The following DTD1 variants were observed in gnomAD, a reference collection of about 807,000 sequenced individuals.
DTD1 encodes D-tyrosyl-tRNA deacylase 1 homolog.
Under a neutral mutation model 25.6 loss-of-function variants are expected in DTD1, and 13 were observed. The ratio of observed to expected loss-of-function variants is 0.51; its 90% CI spans 0.33 to 0.81. The LOEUF (loss-of-function observed/expected upper bound fraction) is 0.81, where lower values mean the gene tolerates loss of function less well. DTD1 is among the 30% of genes least tolerant of loss of function. The pLI is 0.02. For missense variants in DTD1, 193 were observed against 266.4 expected, an observed-to-expected ratio of 0.72 and a Z score of 1.92; for synonymous variants, 110 against 103.6, an observed-to-expected ratio of 1.06 and a Z score of -0.37.
At chr20:18,618,675 A>C (rs1465093818) in intron 3 of DTD1, among the ~76,000 whole-genome samples, 1 of 104,150 alleles carries the variant, frequency 9.6e-6, no homozygotes, top group Non-Finnish European at 2.0e-5. Context: ...AATTTTATAC[A>C]CACACACACA....
At chr20:18,743,901 T>C (rs1404140829) in intron 4 of DTD1, among the ~76,000 whole-genome samples, 199 bp from the exon 5 acceptor site, 1 of 152,154 alleles carries the variant, frequency 6.6e-6, no homozygotes, top group East Asian at 1.9e-4. Flanking sequence ...CTCCTATGAC[T>C]AATGATTTGT....
chr20:18,739,933 A>G (rs1386422322), intron 4 of DTD1, among the ~76,000 whole-genome samples: 3 of 135,032 alleles, frequency 2.2e-5, no homozygotes, highest in Non-Finnish European at 3.5e-5. Context: ...ATACTGTAAG[A>G]GAGTCAGCAT....
rs1352549089 is a variant in DTD1, at chr20:18,764,772, C to G, written c.*1432C>G. The G allele has an allele frequency of 6.6e-6, 1 of 152,246 alleles. No homozygotes were observed. The highest frequency in any genetic ancestry group is 1.5e-5 in the Non-Finnish European group (1 of 68,062). 9.4% of individuals were successfully genotyped at this position (152,246 alleles called of 1,614,324 possible). ...CCAGATGCAGACCCTGGCCAGCTCC[C>G]TAAGCTGTGTGGGCAGTGAGGTCCC... On this transcript the variant is annotated 3_prime_UTR_variant, in exon 6 of 6. Coordinates refer to ENST00000377452, the MANE Select transcript of DTD1 (RefSeq NM_080820.6).
intron 4 of DTD1, among the ~76,000 whole-genome samples, chr20:18,713,504 G>T (rs1045432280): frequency 6.6e-6 from 1 of 152,152 alleles, no homozygotes; most frequent in Non-Finnish European, 1.5e-5. Flanking sequence ...GTCTGCATTG[G>T]TTGAGCTGCT....
At chr20:18,646,173 CT>C (rs1318454394) in intron 4 of DTD1, among the ~76,000 whole-genome samples, 2 of 152,210 alleles carry the variant, frequency 1.3e-5, no homozygotes, top group African/African-American at 4.8e-5. Context: ...TGTACCCCGT[CT>C]TTGTGGCTGT....
chr20:18,759,121 T>C (rs1231649515), intron 5 of DTD1, among the ~76,000 whole-genome samples: 1 of 152,236 alleles, frequency 6.6e-6, no homozygotes, highest in East Asian at 1.9e-4. Context: ...ATTTTGAGCA[T>C]ATGTGTGTCT....
At chr20:18,598,596 C>T (rs977460335) in intron 3 of DTD1, among the ~76,000 whole-genome samples, 7 of 151,846 alleles carry the variant, frequency 4.6e-5, no homozygotes, top group African/African-American at 7.3e-5. Context: ...CTCCCGGGCT[C>T]ATGCCATTCT....
At chr20:18,760,055 A>G (rs1258935824) in intron 5 of DTD1, among the ~76,000 whole-genome samples, 2 of 152,064 alleles carry the variant, frequency 1.3e-5, no homozygotes, top group Non-Finnish European at 2.9e-5. Context: ...CGTTCGTCAC[A>G]TAGTTCTCGT....
intron 4 of DTD1, among the ~76,000 whole-genome samples, chr20:18,656,514 C>T (rs1215594439): frequency 2.0e-5 from 3 of 152,200 alleles, no homozygotes; most frequent in Admixed American, 6.5e-5. Context: ...CTGACTCTTA[C>T]ACATCACCTC....
intron 4 of DTD1, among the ~76,000 whole-genome samples, chr20:18,691,790 T>A (rs2061048676): frequency 6.6e-6 from 1 of 152,206 alleles, no homozygotes; most frequent in Middle Eastern, 3.4e-3. Flanking sequence ...AAAATTTAAA[T>A]AGCCACACCT....
At chr20:18,630,359 TG>T (rs1165548973) in intron 4 of DTD1, 17 of 151,532 alleles carry the variant, frequency 1.1e-4, no homozygotes, top group African/African-American at 3.9e-4. Context: ...CTAGGTTTTT[TG>T]TTTGTTTGTT....
chr20:18,734,474 G>T (rs879356282), intron 4 of DTD1, among the ~76,000 whole-genome samples: 1 of 152,200 alleles, frequency 6.6e-6, no homozygotes, highest in African/African-American at 2.4e-5. Context: ...TTGCTACAAA[G>T]GGCAGTGGGC....
intron 4 of DTD1, among the ~76,000 whole-genome samples, chr20:18,685,042 G>A (rs1205310963): frequency 6.6e-6 from 1 of 152,046 alleles, no homozygotes; most frequent in Non-Finnish European, 1.5e-5. Context: ...GGGCCTATAG[G>A]TGCATACCAC....
chr20:18,754,055 G>GT (rs1011290296), intron 5 of DTD1, among the ~76,000 whole-genome samples: 8 of 151,614 alleles, frequency 5.3e-5, no homozygotes, highest in Middle Eastern at 6.9e-3. Flanking sequence ...AAATAAATAG[G>GT]TAAAAAAAAA....
At chr20:18,733,626 A>G (rs2061246268) in intron 4 of DTD1, among the ~76,000 whole-genome samples, 1 of 152,258 alleles carries the variant, frequency 6.6e-6, no homozygotes, top group African/African-American at 2.4e-5. Context: ...TAGCTAAGTC[A>G]GAGTAATAAG....
At chr20:18,726,392 G>A (rs1433082594) in intron 4 of DTD1, among the ~76,000 whole-genome samples, 1 of 152,124 alleles carries the variant, frequency 6.6e-6, no homozygotes, top group Non-Finnish European at 1.5e-5. Context: ...TTCTCATCAT[G>A]AAAATTGCAT....
intron 4 of DTD1, among the ~76,000 whole-genome samples, chr20:18,653,448 A>G (rs529644372): frequency 6.6e-6 from 1 of 152,366 alleles, no homozygotes; most frequent in African/African-American, 2.4e-5. Flanking sequence ...ATATTAGTCT[A>G]AAGTATGCTA....
At chr20:18,705,625 T>C (rs2061123190) in intron 4 of DTD1, among the ~76,000 whole-genome samples, 1 of 151,914 alleles carries the variant, frequency 6.6e-6, no homozygotes, top group Non-Finnish European at 1.5e-5. Flanking sequence ...CACATGATGG[T>C]GAGCTCAGAG....
chr20:18,594,126 T>C (rs2060601027), intron 2 of DTD1, among the ~76,000 whole-genome samples: 1 of 152,122 alleles, frequency 6.6e-6, no homozygotes, highest in Non-Finnish European at 1.5e-5. Flanking sequence ...TTATGTTTGG[T>C]TTCTCTTTTT....
Sources: allele counts gnomAD v4.1 joint callset (sites outside exome capture counted in the v4.1 genomes callset), GRCh38; gene constraint gnomAD v4.1.1; transcripts MANE v1.5; gene names NCBI Gene and HGNC (gene_info 2026-07-23, HGNC 2026-07-21).